BRSK2: variants seen among roughly 807,000 people sequenced by gnomAD.
The protein encoded by BRSK2 is BR serine/threonine kinase 2.
A neutral mutation model predicts 83.3 loss-of-function variants in BRSK2; 19 were observed. That is an observed-to-expected ratio of 0.23 (90% CI 0.16 to 0.33). The LOEUF is 0.33. BRSK2 is among the 10% of genes least tolerant of loss of function. The pLI, the probability that BRSK2 is intolerant of heterozygous loss-of-function variation, is 1.00. For synonymous variants in BRSK2, 519 were observed against 435.4 expected (o/e 1.19, Z -2.39); for missense variants, 798 against 1,042.3 (o/e 0.77, Z 3.23).
intron 1 of BRSK2, among the ~76,000 whole-genome samples, chr11:1,422,038 G>A (rs969274416): frequency 6.6e-6 from 1 of 152,132 alleles, no homozygotes; most frequent in South Asian, 2.1e-4. Flanking sequence ...GGTGCCCCAC[G>A]GGGGGAGGGT....
In BRSK2 at chr11:1,445,313, G is replaced by A. The variant is rs748868217; in HGVS notation, c.832G>A (p.Glu278Lys). 5.6e-6 allele frequency: 9 copies of A among 1,610,054 alleles called. No homozygotes were observed. Among genetic ancestry groups the A allele is most frequent in the South Asian group, 3.3e-5 (3 of 90,700 alleles). ...IWYIGGKNEPEPEQPIPRKVQ... is the reference protein window; with the variant it reads ...IWYIGGKNEPKPEQPIPRKVQ... The stretch of plus-strand genomic sequence containing the variant: ...CCACAGAGGGGGCAAGAATGAGCCC[G>A]AACCAGAGCAGCCCATTCCTCGCAA... The change falls in exon 10 of 20, where the codon GAA becomes AAA. Residue 278 changes from glutamate to lysine, a missense_variant. By Grantham distance (56) the Glu-to-Lys change is moderately conservative. Around this residue, in one of 6 missense-constraint regions of BRSK2, gnomAD observed 145 missense variants for 225.4 expected, o/e 0.64. Coordinates refer to ENST00000528841, the MANE Select transcript of BRSK2 (RefSeq NM_001256627.2).
chr11:1,449,957 T>A (rs1845603594), intron 13 of BRSK2, 121 bp downstream of exon 13: 2 of 662,770 alleles, frequency 3.0e-6, no homozygotes, highest in Non-Finnish European at 2.7e-6. Flanking sequence ...GCGCCCCCCA[T>A]GCCCACGCTC....
At chr11:1,429,024 A>C (rs1849595349) in intron 1 of BRSK2, among the ~76,000 whole-genome samples, 1 of 137,032 alleles carries the variant, frequency 7.3e-6, no homozygotes, top group Non-Finnish European at 1.5e-5. Flanking sequence ...GTGTGTGTAC[A>C]CGGGTGTGTC....
chr11:1,448,423 A>G (rs1418507831), intron 12 of BRSK2, among the ~76,000 whole-genome samples: 1 of 151,580 alleles, frequency 6.6e-6, no homozygotes, highest in Non-Finnish European at 1.5e-5. Flanking sequence ...GTGTGCCCTC[A>G]CTCTGCCTGC....
At chr11:1,460,461 C>CTTTTTTTTTTTTTTTTTTTTTT in intron 19 of BRSK2, 39 bp from the exon 20 acceptor site, 3 of 541,916 alleles carry the variant, frequency 5.5e-6, no homozygotes, top group South Asian at 4.2e-5. Flanking sequence ...TTCTTTTTTC[C>CTTTTTTTTTTTTTTTTTTTTTT]TTTTTTTTTT....
At chr11:1,424,737 CG>C (rs113753237) in intron 1 of BRSK2, among the ~76,000 whole-genome samples, 1 of 151,208 alleles carries the variant, frequency 6.6e-6, no homozygotes, top group Non-Finnish European at 1.5e-5. Flanking sequence ...CAGAGGGAGT[CG>C]GGGGGGCCAG....
At position 1,390,483 on chromosome 11, in the gene BRSK2, G is replaced by C. The variant is rs1341754935; in HGVS notation, c.91+108G>C. ...GGCCGCGAAGCCGCAGGCCCGGCCC[G>C]GGCCCCGGCCGCGAACAATGGGCGG... On this transcript the variant is annotated intron_variant, in intron 1 of 19. Transcript: ENST00000528841. The surrounding 1 kb of genome is among the most constrained non-coding windows in gnomAD (Gnocchi z 6.8). 1.9e-6 allele frequency: 1 copy of C among 533,080 alleles called. No homozygotes were observed. The allele number at this position is 533,080 out of a possible 1,614,324, so 33.0% of individuals were successfully genotyped here.
At chr11:1,401,717 C>A (rs367983043) in intron 1 of BRSK2, among the ~76,000 whole-genome samples, 1 of 152,316 alleles carries the variant, frequency 6.6e-6, no homozygotes, top group East Asian at 1.9e-4. Context: ...GGGAGTTTGC[C>A]GACTTTGAGG....
chr11:1,414,982 A>G (rs1035080687), intron 1 of BRSK2, among the ~76,000 whole-genome samples: 1 of 151,476 alleles, frequency 6.6e-6, no homozygotes, highest in Non-Finnish European at 1.5e-5. Flanking sequence ...GGCTGCTTCC[A>G]CCTTGTGGCT....
At chr11:1,452,062 T>A (rs902088298) in intron 15 of BRSK2, among the ~76,000 whole-genome samples, 1 of 152,120 alleles carries the variant, frequency 6.6e-6, no homozygotes, top group Non-Finnish European at 1.5e-5. Flanking sequence ...TGTACACATA[T>A]GAGCCTGCAG....
At chr11:1,403,327 C>T (rs2134061570) in intron 1 of BRSK2, among the ~76,000 whole-genome samples, 1 of 152,344 alleles carries the variant, frequency 6.6e-6, no homozygotes, top group East Asian at 1.9e-4. Context: ...AGCCACCCCT[C>T]ACCGCAGGCC....
Position 1,445,455 on chromosome 11 carries a change from A to C in BRSK2, c.974A>C (p.Glu325Ala). The change falls in exon 10 of 20, where the codon GAG becomes GCG. Residue 325 changes from glutamate (E) to alanine (A), a missense_variant. Glu to Ala is a moderately radical substitution (Grantham distance 107). Transcript: ENST00000528841. ...RNKLLQDLLSEEENQEKMIYF... is the reference protein window; with the variant it reads ...RNKLLQDLLSAEENQEKMIYF... ...AAGCTGCTGCAGGACCTGCTGTCCG[A>C]GGAGTGCGTCTGGGGCTGCTCCCGG... 6.2e-7 allele frequency: 1 copy of C among 1,611,610 alleles called. No individual in the cohort carries two copies. The highest frequency in any genetic ancestry group is 8.5e-7 in the Non-Finnish European group (1 of 1,179,540).
chr11:1,427,804 G>A (rs999659198), intron 1 of BRSK2, among the ~76,000 whole-genome samples: 53 of 152,204 alleles, frequency 3.5e-4, no homozygotes, highest in African/African-American at 1.3e-3. Context: ...CCCCGCTCCA[G>A]CTTCCAGTCC....
At chr11:1,391,979 G>T (rs1845756580) in intron 1 of BRSK2, among the ~76,000 whole-genome samples, 1 of 152,182 alleles carries the variant, frequency 6.6e-6, no homozygotes, top group Non-Finnish European at 1.5e-5. Flanking sequence ...GATGGGCTGT[G>T]TGTGTCTACA....
At chr11:1,392,438 C>T (rs1318602077) in intron 1 of BRSK2, among the ~76,000 whole-genome samples, 1 of 152,236 alleles carries the variant, frequency 6.6e-6, no homozygotes, top group Non-Finnish European at 1.5e-5. Flanking sequence ...GTGTCTGTGG[C>T]TGGCAGCTTT....
At chr11:1,455,110 G>A (rs938899172) in intron 16 of BRSK2, among the ~76,000 whole-genome samples, 9 of 152,110 alleles carry the variant, frequency 5.9e-5, no homozygotes, top group African/African-American at 9.7e-5. Flanking sequence ...GAGTGGTCGC[G>A]CTCGGGGTCT....
chr11:1,449,344 C>T (rs1845517065), intron 12 of BRSK2, among the ~76,000 whole-genome samples: 1 of 152,214 alleles, frequency 6.6e-6, no homozygotes, highest in Non-Finnish European at 1.5e-5. Context: ...ACATGGAGGA[C>T]CAGGCTGCAG....
chr11:1,436,515 G>A (rs539292409), intron 2 of BRSK2, among the ~76,000 whole-genome samples: 1 of 152,278 alleles, frequency 6.6e-6, no homozygotes, highest in South Asian at 2.1e-4. Context: ...TGGCAGAGGG[G>A]AGCTGCACCT....
intron 1 of BRSK2, among the ~76,000 whole-genome samples, chr11:1,425,421 T>A (rs931787035): frequency 6.6e-6 from 1 of 151,962 alleles, no homozygotes; most frequent in Non-Finnish European, 1.5e-5. Flanking sequence ...AGCTGTGGTG[T>A]CCTTGTGGTC....
Sources: gnomAD v4.1 joint callset for allele counts (sites outside exome capture counted in the v4.1 genomes callset) on GRCh38, gnomAD v4.1.1 for gene constraint, gnomAD v4.1.1 regional missense constraint, Gnocchi (gnomAD v3.1) non-coding constraint, MANE v1.5 for transcripts, NCBI Gene and HGNC (gene_info 2026-07-23, HGNC 2026-07-21) for gene names.